The following HGSNAT variants were observed in gnomAD, a reference collection of about 807,000 sequenced individuals.
HGSNAT encodes the protein transmembrane protein 76.
A neutral mutation model predicts 85.2 loss-of-function variants in HGSNAT; 59 were observed. That is an observed-to-expected ratio of 0.69 (90% CI 0.56 to 0.86). The LOEUF (loss-of-function observed/expected upper bound fraction) is 0.86, where lower values mean the gene tolerates loss of function less well. Among genes scored for constraint, HGSNAT ranks in the 40% least tolerant of loss-of-function variants. The pLI, the probability that HGSNAT is intolerant of heterozygous loss-of-function variation, is 0.00. For synonymous variants in HGSNAT, 321 were observed against 304.5 expected (o/e 1.05, Z -0.56); for missense variants, 756 against 777.1 (o/e 0.97, Z 0.32).
chr8:43,173,953 C>T (rs543042091), intron 9 of HGSNAT: 31 of 441,772 alleles, frequency 7.0e-5, no homozygotes, highest in Admixed American at 3.6e-4. Context: ...CGGTGGCTCA[C>T]GCCTGTAATC....
intron 5 of HGSNAT, among the ~76,000 whole-genome samples, chr8:43,166,672 T>C (rs1438082603): frequency 1.3e-5 from 2 of 152,226 alleles, no homozygotes. Flanking sequence ...TACAAGCAGA[T>C]GAATGTTGTT....
At chr8:43,149,749 G>A (rs895173178) in intron 2 of HGSNAT, among the ~76,000 whole-genome samples, 5 of 151,822 alleles carry the variant, frequency 3.3e-5, no homozygotes, top group Non-Finnish European at 5.9e-5. Context: ...TAGATTATAG[G>A]AGACACAAGT....
Position 43,162,554 on chromosome 8 carries a change from A to ATT in HGSNAT, c.563+1060_563+1061dup, listed in dbSNP as rs34568555. Among the ~76,000 whole-genome samples the ATT allele has an allele frequency of 4.9e-5, 7 of 143,362 alleles. No individual in the cohort carries two copies. In the East Asian group the frequency reaches 6.1e-4, roughly 12 times the overall value. The allele number at this position is 143,362 out of a possible 152,430, so 94.1% of individuals were successfully genotyped here. A position where few individuals can be genotyped will look rare whatever the true frequency, so the allele number is the denominator to read the frequency against. On this transcript the variant is annotated intron_variant, in intron 5 of 17. Coordinates refer to ENST00000379644, the MANE Select transcript of HGSNAT (RefSeq NM_152419.3). Reference sequence around the variant, plus strand: ...TTTCACGTAAATGGATCTATTATGGATTTTTTTTTTTTTTGAGACAGAGTC... The same window carrying ATT: ...TTTCACGTAAATGGATCTATTATGGATTTTTTTTTTTTTTTTGAGACAGAGTC...
chr8:43,141,541 C>A (rs994933322), intron 1 of HGSNAT, among the ~76,000 whole-genome samples: 1 of 152,110 alleles, frequency 6.6e-6, no homozygotes, highest in Admixed American at 6.5e-5. Flanking sequence ...CCAGAGGGGT[C>A]GGGCAAGCAT....
chr8:43,172,510 A>G, intron 8 of HGSNAT, 124 bp downstream of exon 8: 2 of 685,294 alleles, frequency 2.9e-6, no homozygotes, highest in Admixed American at 5.1e-5. Flanking sequence ...CCTCTGAGCC[A>G]CTGAGCTCCT....
intron 1 of HGSNAT, among the ~76,000 whole-genome samples, chr8:43,141,870 C>T (rs1226112589): frequency 6.6e-6 from 1 of 152,142 alleles, no homozygotes; most frequent in Non-Finnish European, 1.5e-5. Flanking sequence ...ACACTCTTTG[C>T]ATTTTAGCGC....
chr8:43,194,644 G>C (rs1457967670), intron 14 of HGSNAT: 6 of 387,610 alleles, frequency 1.5e-5, no homozygotes, highest in Non-Finnish European at 2.1e-5. Context: ...TGTCCTTCAG[G>C]GGGGACAAAT....
Position 43,200,684 on chromosome 8 carries a change from C to T in HGSNAT, c.*1115C>T, listed in dbSNP as rs1422578857. On this transcript the variant is annotated 3_prime_UTR_variant, in exon 18 of 18. Transcript: ENST00000379644. Reference sequence around the variant, plus strand: ...ACAAAGGACAAACAGAGACACACGGCATTGTTCATGGGAGGCATCGTCACC... The same window carrying T: ...ACAAAGGACAAACAGAGACACACGGTATTGTTCATGGGAGGCATCGTCACC... The T allele has an allele frequency of 1.3e-5, 2 of 152,342 alleles. No individual in the cohort carries two copies. Among genetic ancestry groups the T allele is most frequent in the African/African-American group, 4.8e-5 (2 of 41,432 alleles). 9.4% of individuals were successfully genotyped at this position (152,342 alleles called of 1,614,324 possible).
chr8:43,188,500 T>C (rs1804403351), intron 11 of HGSNAT, among the ~76,000 whole-genome samples: 1 of 152,204 alleles, frequency 6.6e-6, no homozygotes. Flanking sequence ...CATCAGGTCA[T>C]TTAAGGTCTT....
chr8:43,145,126 TCC>T (rs1303886689), intron 1 of HGSNAT, among the ~76,000 whole-genome samples: 2 of 152,096 alleles, frequency 1.3e-5, no homozygotes, highest in African/African-American at 4.8e-5. Flanking sequence ...GGAATGGGCC[TCC>T]CTTGGCACCC....
Position 43,152,904 on chromosome 8 carries a change from A to C in HGSNAT, c.235-5671A>C, listed in dbSNP as rs75792456. 7.1e-3 allele frequency among the ~76,000 whole-genome samples: 1,078 copies of C among 152,326 alleles called. 14 individuals carry two copies. The highest frequency in any genetic ancestry group is 0.025 in the African/African-American group (1,033 of 41,584). On this transcript the variant is annotated intron_variant, in intron 2 of 17. Coordinates refer to ENST00000379644, the MANE Select transcript of HGSNAT (RefSeq NM_152419.3). ...TATTAATATGTAAATAGAATTCATTATATAGTCTACATAAATAATTTCAAA... is the reference window on the plus strand; with the variant it reads ...TATTAATATGTAAATAGAATTCATTCTATAGTCTACATAAATAATTTCAAA...
At chr8:43,196,799 G>T (rs532597872) in intron 14 of HGSNAT, 149 bp from the exon 15 acceptor site, 142 of 637,042 alleles carry the variant, frequency 2.2e-4, no homozygotes, top group African/African-American at 2.2e-3. Flanking sequence ...AAAGGCAGAG[G>T]TGATGTTTCC....
At chr8:43,172,916 T>C (rs756995651) in intron 8 of HGSNAT, among the ~76,000 whole-genome samples, 1 of 152,218 alleles carries the variant, frequency 6.6e-6, no homozygotes, top group Non-Finnish European at 1.5e-5. Flanking sequence ...CTGTGTCTAG[T>C]TATGTTCATA....
chr8:43,149,995 C>T lies in HGSNAT; in HGVS notation c.234+2932C>T, dbSNP rs190342731. Among the ~76,000 whole-genome samples, 379 of 152,112 alleles carry T rather than the reference C, an allele frequency of 2.5e-3. 2 individuals carry two copies. The highest frequency in any genetic ancestry group is 0.011 in the South Asian group (51 of 4,806). ...ATTTTAAGACGGAGTCTTGCTCTGTCGCCCAGGCTGGAGTGCAGTGGCACG... is the reference window on the plus strand; with the variant it reads ...ATTTTAAGACGGAGTCTTGCTCTGTTGCCCAGGCTGGAGTGCAGTGGCACG... On this transcript the variant is annotated intron_variant, in intron 2 of 17. Coordinates refer to ENST00000379644, the MANE Select transcript of HGSNAT (RefSeq NM_152419.3).
intron 1 of HGSNAT, among the ~76,000 whole-genome samples, chr8:43,142,224 CT>C (rs1802574455): frequency 6.6e-6 from 1 of 152,064 alleles, no homozygotes; most frequent in African/African-American, 2.4e-5. Context: ...TGGAAGGTGA[CT>C]TTATTTGGTA....
Position 43,197,849 on chromosome 8 carries a change from G to C in HGSNAT, c.1623G>C (p.Ser541=), listed in dbSNP as rs372909374. 4 of 1,613,754 alleles carry C rather than the reference G, an allele frequency of 2.5e-6. No homozygotes were observed. The highest frequency in any genetic ancestry group is 2.5e-6 in the Non-Finnish European group (3 of 1,179,768). ...IPVNKNLWSL[S]YVTTLSSFAF... is the part of the protein sequence containing the mutation. Reference sequence around the variant, plus strand: ...CCTCCACCCCTCCCAGGTCCCTTTCGTATGTCACTACGCTCAGTTCTTTTG... The same window carrying C: ...CCTCCACCCCTCCCAGGTCCCTTTCCTATGTCACTACGCTCAGTTCTTTTG... Residue 541 remains serine, a synonymous_variant, in exon 17 of 18, where the codon TCG becomes TCC. Transcript: ENST00000379644.
rs1245020116 is a variant in HGSNAT at position 43,170,711 on chromosome 8, G to T, written c.743+17G>T. On this transcript the variant is annotated intron_variant, in intron 7 of 17. Coordinates refer to ENST00000379644, the MANE Select transcript of HGSNAT (RefSeq NM_152419.3). The stretch of plus-strand genomic sequence containing the variant: ...CTTCAGGGGGTATGTGGGCCTCCCT[G>T]TAGCACAGTGGGTGCAGGTAGTCAC... 6.6e-7 allele frequency: 1 copy of T among 1,517,146 alleles called. No individual in the cohort carries two copies. Among genetic ancestry groups the T allele is most frequent in the African/African-American group, 1.4e-5 (1 of 72,540 alleles). 94.0% of individuals were successfully genotyped at this position (1,517,146 alleles called of 1,614,324 possible).
At chr8:43,148,094 TA>T (rs935810584) in intron 2 of HGSNAT, among the ~76,000 whole-genome samples, 1 of 151,722 alleles carries the variant, frequency 6.6e-6, no homozygotes, top group African/African-American at 2.4e-5. Flanking sequence ...AATACAAAAT[TA>T]CCGGGCATGG....
chr8:43,194,306 G>A (rs770737877), intron 14 of HGSNAT: 7 of 733,256 alleles, frequency 9.5e-6, no homozygotes, highest in African/African-American at 7.7e-5. Context: ...GCTGAGGTAG[G>A]AGTATGGCTT....
Sources: gnomAD v4.1 joint callset for allele counts (sites outside exome capture counted in the v4.1 genomes callset) on GRCh38, gnomAD v4.1.1 for gene constraint, MANE v1.5 for transcripts, NCBI Gene and HGNC (gene_info 2026-07-23, HGNC 2026-07-21) for gene names.